MDN1: variants seen among roughly 807,000 people sequenced by gnomAD.
MDN1 encodes the protein midasin AAA ATPase 1, also known as midasin.
In MDN1, 266 loss-of-function variants were observed where a neutral mutation model predicts 669.2. The observed-to-expected ratio is 0.40, with a 90% CI of 0.36 to 0.44. The LOEUF is 0.44. Among genes scored for constraint, MDN1 ranks in the 20% least tolerant of loss-of-function variants. MDN1 has a pLI of 1.00. For missense variants in MDN1, 5,940 were observed against 6,754.0 expected (o/e 0.88, Z 4.22); for synonymous variants, 2,385 against 2,457.1 (o/e 0.97, Z 0.87).
At chr6:89,769,729 G>C (rs546399560) in intron 15 of MDN1, among the ~76,000 whole-genome samples, 5 of 152,254 alleles carry the variant, frequency 3.3e-5, no homozygotes, top group African/African-American at 1.2e-4. Context: ...ATCATACTTT[G>C]AGTCCAACCT....
In MDN1 at chr6:89,732,678, G is replaced by A. The variant is rs1815675282; in HGVS notation, c.4821C>T (p.Ser1607=). ...KCVVSIRDIL[S]WVNFMNKMGE... ...CCATTTTGTTCATGAAGTTAACCCA[G>A]GACAGGATATCTCTGATACTGACCA... Residue 1607 remains serine, a synonymous_variant, in exon 34 of 102, where the codon TCC becomes TCT. Transcript: ENST00000369393. The A allele has an allele frequency of 6.2e-7, 1 of 1,613,806 alleles. No individual in the cohort carries two copies. The highest frequency in any genetic ancestry group is 1.3e-5 in the African/African-American group (1 of 74,822).
chr6:89,793,088 C>T lies in MDN1; in HGVS notation c.855+674G>A, dbSNP rs1217112523. Among the ~76,000 whole-genome samples, 7 of 152,262 alleles carry T rather than the reference C, an allele frequency of 4.6e-5. No individual in the cohort carries two copies. In the East Asian group the frequency reaches 1.4e-3, roughly 29 times the overall value. On this transcript the variant is annotated intron_variant, in intron 5 of 101. Transcript: ENST00000369393. The stretch of plus-strand genomic sequence containing the variant: ...AGTGCCAGACTTATGATCTGCAAGC[C>T]TGTTCAAGTATGGTCTCAAGCCATT...
intron 34 of MDN1, among the ~76,000 whole-genome samples, chr6:89,732,286 G>A (rs1255280496): frequency 6.7e-6 from 1 of 148,566 alleles, no homozygotes; most frequent in African/African-American, 2.5e-5. Flanking sequence ...CAGTGCTTCA[G>A]AAGCAAAGAC....
intron 73 of MDN1, among the ~76,000 whole-genome samples, 193 bp from the exon 74 acceptor site, chr6:89,680,944 T>C (rs1001995026): frequency 6.6e-6 from 1 of 152,202 alleles, no homozygotes; most frequent in Non-Finnish European, 1.5e-5. Flanking sequence ...CCATATGAGA[T>C]CATTATAACT....
rs1818132452 is a variant in MDN1 at position 89,772,447 on chromosome 6, G to C, written c.2083+126C>G. ...TATTAACAGTAGTTATTTCCAGGCA[G>C]AGATTACATGTGGGGTGCTGGCACT... is the stretch of plus-strand genomic sequence containing the variant. On this transcript the variant is annotated intron_variant, in intron 14 of 101. Coordinates refer to ENST00000369393, the MANE Select transcript of MDN1 (RefSeq NM_014611.3). 21 of 986,840 alleles carry C rather than the reference G, an allele frequency of 2.1e-5. No homozygotes were observed. The South Asian group carries it at 4.1e-4, about 19-fold the overall frequency. 61.1% of individuals were successfully genotyped at this position (986,840 alleles called of 1,614,324 possible). A position where few individuals can be genotyped will look rare whatever the true frequency, so the allele number is the denominator to read the frequency against.
chr6:89,658,583 C>T, intron 89 of MDN1, 27 bp downstream of exon 89: 1 of 1,582,074 alleles, frequency 6.3e-7, no homozygotes, highest in Non-Finnish European at 8.6e-7. Context: ...TTATTTTTAA[C>T]ATAAAAAGCC....
intron 38 of MDN1, among the ~76,000 whole-genome samples, chr6:89,724,729 T>C (rs574932625): frequency 6.6e-6 from 1 of 152,312 alleles, no homozygotes; most frequent in East Asian, 1.9e-4. Context: ...CATACACAGG[T>C]ACCCCTCTGC....
At chr6:89,815,149 A>G (rs1470506436) in intron 1 of MDN1, 1 of 379,806 alleles carries the variant, frequency 2.6e-6, no homozygotes, top group East Asian at 6.6e-5. Context: ...ACCCCTGTGC[A>G]TCACCACCTC....
Position 89,758,302 on chromosome 6 carries a change from T to C in MDN1, c.2655A>G (p.Pro885=). ...GATTTCTTTTGCCTACATCAGTTGCTGGATTCATACAGGCAAATAAACGGA... is the reference window on the plus strand; with the variant it reads ...GATTTCTTTTGCCTACATCAGTTGCCGGATTCATACAGGCAAATAAACGGA... The part of the protein sequence containing the change: ...PDFRLFACMN[P]ATDVGKRNLP... Residue 885 remains proline (P), a synonymous_variant, in exon 19 of 102, where the codon CCA becomes CCG. Coordinates refer to ENST00000369393, the MANE Select transcript of MDN1 (RefSeq NM_014611.3). 6.2e-7 allele frequency: 1 copy of C among 1,612,492 alleles called. No homozygotes were observed. Among genetic ancestry groups the C allele is most frequent in the Non-Finnish European group, 8.5e-7 (1 of 1,179,190 alleles).
At chr6:89,688,247 C>T (rs1812152594) in intron 66 of MDN1, 74 bp from the exon 67 acceptor site, 3 of 1,357,640 alleles carry the variant, frequency 2.2e-6, no homozygotes, top group African/African-American at 2.9e-5. Flanking sequence ...GAAGAGAGTC[C>T]TGACCAGAAG....
At position 89,772,605 on chromosome 6, in the gene MDN1, G is replaced by C. The variant is rs1303114673; in HGVS notation, c.2051C>G (p.Thr684Ser). The C allele has an allele frequency of 1.2e-6, 2 of 1,614,080 alleles. No individual in the cohort carries two copies. The highest frequency in any genetic ancestry group is 1.7e-6 in the Non-Finnish European group (2 of 1,180,006). The change falls in exon 14 of 102, where the codon ACC becomes AGC. Residue 684 changes from threonine to serine, a missense_variant. Transcript: ENST00000369393. ...GTGAGCCAAGTATTGGATGGTAGAG[G>C]TTTTGCCAGTCCCGGTCTCTCCCAC... The part of the protein sequence containing the change: ...LLVGETGTGK[T>S]STIQYLAHIT...
chr6:89,756,471 G>A (rs1817251957), intron 19 of MDN1, 81 bp from the exon 20 acceptor site: 2 of 654,994 alleles, frequency 3.1e-6, no homozygotes, highest in Non-Finnish European at 5.2e-6. Context: ...AACAGAAGAA[G>A]CTATGTCAGC....
intron 73 of MDN1, 105 bp from the exon 74 acceptor site, chr6:89,680,856 A>C: frequency 8.2e-7 from 1 of 1,221,904 alleles, no homozygotes; most frequent in Non-Finnish European, 1.1e-6. Flanking sequence ...TCCCTAGTTC[A>C]GCAAATAGAG....
In MDN1 at chr6:89,700,125, G is replaced by A. The variant is rs1562109287; in HGVS notation, c.8808C>T (p.Tyr2936=). ...CTTTGTACCGCCAAAGCATAGCCAG[G>A]TACTCCATTGCAGGCCACAACTGAA... ...RSVQLWPAME[Y]LAMLWRYKVT... The change falls in exon 57 of 102, where the codon TAC becomes TAT. Residue 2936 remains tyrosine, a synonymous_variant. Transcript: ENST00000369393. The A allele has an allele frequency of 6.2e-7, 1 of 1,614,152 alleles. No homozygotes were observed. The highest frequency in any genetic ancestry group is 2.2e-5 in the East Asian group (1 of 44,874).
At chr6:89,767,783 C>T (rs1817872274) in intron 15 of MDN1, among the ~76,000 whole-genome samples, 1 of 151,894 alleles carries the variant, frequency 6.6e-6, no homozygotes, top group Non-Finnish European at 1.5e-5. Context: ...TGGTGGCTCA[C>T]ACCTGTAATC....
chr6:89,750,314 A>T (rs1816874204), intron 24 of MDN1, 40 bp downstream of exon 24: 2 of 1,540,452 alleles, frequency 1.3e-6, no homozygotes, highest in African/African-American at 2.7e-5. Context: ...TGTGTGAAAG[A>T]ATAAACACCT....
intron 2 of MDN1, among the ~76,000 whole-genome samples, chr6:89,801,567 C>T (rs948982128): frequency 6.6e-6 from 1 of 152,018 alleles, no homozygotes; most frequent in African/African-American, 2.4e-5. Flanking sequence ...GGGAGAATCG[C>T]TTAACCTGGG....
chr6:89,729,906 T>C (rs1313278960), intron 35 of MDN1, among the ~76,000 whole-genome samples: 1 of 152,010 alleles, frequency 6.6e-6, no homozygotes, highest in Non-Finnish European at 1.5e-5. Context: ...TAAGGAGAGA[T>C]GGAGCTCTGA....
chr6:89,771,428 C>A, intron 15 of MDN1, 133 bp downstream of exon 15: 5 of 738,090 alleles, frequency 6.8e-6, no homozygotes, highest in South Asian at 1.9e-5. Context: ...TCCAATAAAG[C>A]CTTATCTGAG....
Sources: allele counts gnomAD v4.1 joint callset (sites outside exome capture counted in the v4.1 genomes callset), GRCh38; gene constraint gnomAD v4.1.1; transcripts MANE v1.5; gene names NCBI Gene and HGNC (gene_info 2026-07-23, HGNC 2026-07-21).